KCNH7: variants seen among roughly 807,000 people sequenced by gnomAD.
The protein encoded by KCNH7 is potassium voltage-gated channel subfamily H member 7.
In KCNH7, 49 loss-of-function variants were observed where a neutral mutation model predicts 120.8. That is an observed-to-expected ratio of 0.41 (90% CI 0.32 to 0.51). KCNH7 has a LOEUF of 0.51. Ranked by LOEUF, KCNH7 falls within the 20% of genes least tolerant of loss-of-function variation. The pLI is 0.38. For missense variants in KCNH7, 1,097 were observed against 1,446.6 expected (o/e 0.76, Z 3.92); for synonymous variants, 547 against 516.1 (o/e 1.06, Z -0.81).
At chr2:162,689,741 T>C (rs1388907741) in intron 2 of KCNH7, among the ~76,000 whole-genome samples, 2 of 152,148 alleles carry the variant, frequency 1.3e-5, no homozygotes, top group Admixed American at 1.3e-4. Flanking sequence ...ATCGTAGATA[T>C]TGAGTTTTAG....
chr2:162,529,271 G>T (rs988063786), intron 3 of KCNH7, among the ~76,000 whole-genome samples: 12 of 151,936 alleles, frequency 7.9e-5, no homozygotes, highest in African/African-American at 2.9e-4. Flanking sequence ...AGCTCCCAGG[G>T]GAGAAACAAA....
chr2:162,400,353 C>G lies in KCNH7; in HGVS notation c.2243G>C (p.Gly748Ala). 2 of 1,612,422 alleles carry G rather than the reference C, an allele frequency of 1.2e-6. No individual in the cohort carries two copies. The highest frequency in any genetic ancestry group is 1.7e-6 in the Non-Finnish European group (2 of 1,179,004). Residue 748 changes from glycine (G) to alanine (A), a missense_variant, in exon 10 of 16, where the codon GGG becomes GCG. Physicochemically the swap from Gly to Ala is moderately conservative, Grantham distance 60. Coordinates refer to ENST00000332142, the MANE Select transcript of KCNH7 (RefSeq NM_033272.4). ...TLLQNCKAFR[G>A]ASKGCLRALA... ...AGCTCTAAGGCAACCTTTACTTGCCCCCCGAAAGGCTTTGCAGTTTTGCAG... is the reference window on the plus strand; with the variant it reads ...AGCTCTAAGGCAACCTTTACTTGCCGCCCGAAAGGCTTTGCAGTTTTGCAG...
intron 12 of KCNH7, among the ~76,000 whole-genome samples, chr2:162,389,069 T>A (rs1686664637): frequency 6.6e-6 from 1 of 152,030 alleles, no homozygotes; most frequent in African/African-American, 2.4e-5. Context: ...TTGATTTCCA[T>A]CTCTTCGGTT....
At chr2:162,671,422 A>T (rs1203933786) in intron 2 of KCNH7, among the ~76,000 whole-genome samples, 4 of 151,322 alleles carry the variant, frequency 2.6e-5, no homozygotes, top group Non-Finnish European at 5.9e-5. Flanking sequence ...ACATGCATAG[A>T]ACTGGAGGAC....
At chr2:162,410,740 G>A (rs1433355723) in intron 9 of KCNH7, among the ~76,000 whole-genome samples, 1 of 151,792 alleles carries the variant, frequency 6.6e-6, no homozygotes, top group Non-Finnish European at 1.5e-5. Context: ...AGGAACTTAA[G>A]CAAACCAACA....
Position 162,422,551 on chromosome 2 carries a change from C to T in KCNH7, c.2154+785G>A, listed in dbSNP as rs1281680804. Reference sequence around the variant, plus strand: ...TTTGTTGTATAATTTATTTAGCAATCAGCCTTTAGAGCCAAATTGCAAGGT... The same window carrying T: ...TTTGTTGTATAATTTATTTAGCAATTAGCCTTTAGAGCCAAATTGCAAGGT... On this transcript the variant is annotated intron_variant, in intron 9 of 15. Coordinates refer to ENST00000332142, the MANE Select transcript of KCNH7 (RefSeq NM_033272.4). Among the ~76,000 whole-genome samples the T allele has an allele frequency of 2.0e-5, 3 of 152,018 alleles. No homozygotes were observed. The East Asian group carries it at 5.8e-4, about 29-fold the overall frequency.
chr2:162,479,050 G>A (rs974003463), intron 6 of KCNH7, among the ~76,000 whole-genome samples: 6 of 151,530 alleles, frequency 4.0e-5, no homozygotes, highest in Admixed American at 3.3e-4. Flanking sequence ...AGGGGAGAGA[G>A]GTACAGTACT....
At chr2:162,797,877 A>C in intron 2 of KCNH7, 1 of 152,094 alleles carries the variant, frequency 6.6e-6, no homozygotes, top group Non-Finnish European at 1.5e-5. Context: ...ATTCATACAA[A>C]TTAATCAAGT....
chr2:162,825,146 C>T (rs1261124471), intron 2 of KCNH7, among the ~76,000 whole-genome samples: 1 of 151,848 alleles, frequency 6.6e-6, no homozygotes, highest in African/African-American at 2.4e-5. Flanking sequence ...AAAATGCCAG[C>T]AAATTACTGA....
At chr2:162,527,103 G>A (rs184849611) in intron 3 of KCNH7, among the ~76,000 whole-genome samples, 3 of 151,860 alleles carry the variant, frequency 2.0e-5, no homozygotes, top group South Asian at 2.1e-4. Flanking sequence ...AAATAGATAC[G>A]ATGTTCAAAT....
At chr2:162,760,693 C>T (rs188504734) in intron 2 of KCNH7, among the ~76,000 whole-genome samples, 118 of 152,152 alleles carry the variant, frequency 7.8e-4, no homozygotes, top group African/African-American at 2.7e-3. Context: ...AACCTAATTA[C>T]ACCAGAAATG....
chr2:162,752,301 A>G (rs1574341733), intron 2 of KCNH7, among the ~76,000 whole-genome samples: 2 of 152,322 alleles, frequency 1.3e-5, no homozygotes, highest in African/African-American at 2.4e-5. Context: ...TTTGTTGCCA[A>G]TAGAAAATAA....
At chr2:162,403,642 G>T (rs996836672) in intron 9 of KCNH7, among the ~76,000 whole-genome samples, 6 of 151,934 alleles carry the variant, frequency 3.9e-5, no homozygotes, top group Non-Finnish European at 8.8e-5. Flanking sequence ...GCATGGAGAA[G>T]ATACAATGTT....
intron 2 of KCNH7, among the ~76,000 whole-genome samples, chr2:162,816,376 T>A (rs1347614313): frequency 6.6e-6 from 1 of 151,832 alleles, no homozygotes; most frequent in African/African-American, 2.4e-5. Context: ...GAAATCTGTA[T>A]CAAAGAAAAA....
At chr2:162,560,761 C>A (rs1187326658) in intron 2 of KCNH7, among the ~76,000 whole-genome samples, 1 of 152,194 alleles carries the variant, frequency 6.6e-6, no homozygotes, top group Non-Finnish European at 1.5e-5. Context: ...GATGTGCTTT[C>A]ATGAACTGTA....
chr2:162,600,877 C>T (rs1694528496), intron 2 of KCNH7, among the ~76,000 whole-genome samples: 1 of 151,980 alleles, frequency 6.6e-6, no homozygotes, highest in South Asian at 2.1e-4. Context: ...GCCTTAAATG[C>T]TCTACTAGAA....
At chr2:162,494,915 T>G (rs1247274516) in intron 6 of KCNH7, among the ~76,000 whole-genome samples, 1 of 152,130 alleles carries the variant, frequency 6.6e-6, no homozygotes, top group Non-Finnish European at 1.5e-5. Flanking sequence ...TCATTTAACT[T>G]TTTACTTAAA....
chr2:162,704,412 T>C (rs186719379), intron 2 of KCNH7, among the ~76,000 whole-genome samples: 6 of 152,306 alleles, frequency 3.9e-5, no homozygotes, highest in Admixed American at 3.9e-4. Flanking sequence ...ATGAACATTA[T>C]TTTTTCTTCC....
intron 2 of KCNH7, among the ~76,000 whole-genome samples, chr2:162,790,553 C>T (rs777171267): frequency 9.2e-5 from 14 of 151,952 alleles, no homozygotes; most frequent in Non-Finnish European, 1.5e-4. Flanking sequence ...AAGCCAATAT[C>T]CCCAATAAAC....
Sources: allele counts gnomAD v4.1 joint callset (sites outside exome capture counted in the v4.1 genomes callset), GRCh38; gene constraint gnomAD v4.1.1; transcripts MANE v1.5; gene names NCBI Gene and HGNC (gene_info 2026-07-23, HGNC 2026-07-21).